The following SNAPC1 variants were observed in gnomAD, a reference collection of about 807,000 sequenced individuals.
SNAPC1 encodes the protein snRNA-activating protein complex subunit 1.
SNAPC1 carries 42 observed loss-of-function variants against 50.1 expected under a neutral mutation model. The ratio of observed to expected loss-of-function variants is 0.84; its 90% CI spans 0.65 to 1.08. SNAPC1 has a LOEUF of 1.08. Among genes scored for constraint, SNAPC1 ranks in the 50% least tolerant of loss-of-function variants. The pLI is 0.00. For synonymous variants in SNAPC1, 164 were observed against 144.2 expected (o/e 1.14, Z -0.98); for missense variants, 477 against 427.3 (o/e 1.12, Z -1.02).
intron 5 of SNAPC1, 54 bp from the exon 6 acceptor site, chr14:61,778,018 G>C: frequency 2.5e-6 from 2 of 808,534 alleles, no homozygotes; most frequent in Non-Finnish European, 3.8e-6. Context: ...GCAGTTAATT[G>C]AATTGTAAAT....
chr14:61,778,994 GTACT>G, intron 7 of SNAPC1, 84 bp downstream of exon 7: 4 of 767,406 alleles, frequency 5.2e-6, no homozygotes, highest in Non-Finnish European at 8.6e-6. Flanking sequence ...AGTAATACAT[GTACT>G]TAGTTTTAAA....
Position 61,774,957 on chromosome 14 carries a change from CT to C in SNAPC1, c.535-1137del, listed in dbSNP as rs574049664. 3.9e-4 allele frequency among the ~76,000 whole-genome samples: 59 copies of C among 152,224 alleles called. No individual in the cohort carries two copies. The South Asian group carries it at 8.7e-3, about 23-fold the overall frequency. On this transcript the variant is annotated intron_variant, in intron 4 of 9. Transcript: ENST00000216294. ...GGATTACAGGAGTCAGCCACTGTGC[CT>C]GGCCTAGTTTCTCATTTCTTGAACA...
At chr14:61,776,405 A>G (rs1035824352) in intron 5 of SNAPC1, 152 bp downstream of exon 5, 1 of 651,648 alleles carries the variant, frequency 1.5e-6, no homozygotes, top group Non-Finnish European at 2.6e-6. Flanking sequence ...CACTTTTGCC[A>G]CTTATTAGGT....
Position 61,795,062 on chromosome 14 carries a change from G to A in SNAPC1, c.*79G>A. The A allele has an allele frequency of 2.3e-6, 2 of 884,924 alleles. No individual in the cohort carries two copies. Among genetic ancestry groups the A allele is most frequent in the South Asian group, 1.7e-5 (1 of 58,682 alleles). The allele number at this position is 884,924 out of a possible 1,614,324, so 54.8% of individuals were successfully genotyped here. ...TGATATTTTGTGTATTGAACAGGAA[G>A]ACTGCCAGTATTAAAAAAATCCTTC... On this transcript the variant is annotated 3_prime_UTR_variant, in exon 10 of 10. Transcript: ENST00000216294.
chr14:61,793,045 A>G (rs1017202646), intron 9 of SNAPC1, 143 bp downstream of exon 9: 2 of 510,548 alleles, frequency 3.9e-6, no homozygotes, highest in Non-Finnish European at 7.2e-6. Flanking sequence ...GAATTTCAGT[A>G]TTAGTCATAT....
At chr14:61,767,590 A>C (rs2044958123) in intron 3 of SNAPC1, among the ~76,000 whole-genome samples, 1 of 151,022 alleles carries the variant, frequency 6.6e-6, no homozygotes, top group Non-Finnish European at 1.5e-5. Flanking sequence ...CAGCCTTCTG[A>C]GTAGCTGGGA....
intron 4 of SNAPC1, among the ~76,000 whole-genome samples, chr14:61,771,051 A>G (rs545928852): frequency 2.6e-5 from 4 of 152,276 alleles, no homozygotes; most frequent in African/African-American, 9.6e-5. Flanking sequence ...TCATATGGAT[A>G]CATTTTTAGG....
intron 4 of SNAPC1, among the ~76,000 whole-genome samples, chr14:61,770,496 G>A (rs2044980659): frequency 6.6e-6 from 1 of 152,024 alleles, no homozygotes; most frequent in Non-Finnish European, 1.5e-5. Context: ...TGCCTGCATT[G>A]GCCTCCTAAA....
At position 61,770,993 on chromosome 14, in the gene SNAPC1, C is replaced by T. The variant is rs543459168; in HGVS notation, c.534+2253C>T. 1.1e-4 allele frequency among the ~76,000 whole-genome samples: 17 copies of T among 152,282 alleles called. No homozygotes were observed. The East Asian group carries it at 3.3e-3, about 29-fold the overall frequency. ...CTGAGCTCAGGCGATCCGCCCGCCT[C>T]AGCCTCCCAAAGTACTGCAATTACA... On this transcript the variant is annotated intron_variant, in intron 4 of 9. Coordinates refer to ENST00000216294, the MANE Select transcript of SNAPC1 (RefSeq NM_003082.4).
At chr14:61,794,883 T>C (rs753304817) in intron 9 of SNAPC1, 66 bp from the exon 10 acceptor site, 8 of 1,077,516 alleles carry the variant, frequency 7.4e-6, no homozygotes, top group South Asian at 1.3e-5. Context: ...TAAGTGTCAG[T>C]TGTTTTTTTT....
chr14:61,777,683 G>A (rs1403778771), intron 5 of SNAPC1, among the ~76,000 whole-genome samples: 5 of 151,214 alleles, frequency 3.3e-5, no homozygotes, highest in Admixed American at 6.6e-5. Flanking sequence ...GGCCTCAAGC[G>A]ATCCTCCCAC....
intron 4 of SNAPC1, among the ~76,000 whole-genome samples, chr14:61,775,281 CT>C (rs1319424139): frequency 6.6e-6 from 1 of 150,564 alleles, no homozygotes; most frequent in Non-Finnish European, 1.5e-5. Flanking sequence ...GAGATGGAGT[CT>C]TGCTCTGTTA....
At chr14:61,784,579 A>G (rs890526948) in intron 8 of SNAPC1, among the ~76,000 whole-genome samples, 1 of 152,232 alleles carries the variant, frequency 6.6e-6, no homozygotes, top group African/African-American at 2.4e-5. Context: ...CAGCTCTACC[A>G]TCGTAATGTG....
chr14:61,779,871 G>A (rs1211077220), intron 7 of SNAPC1, among the ~76,000 whole-genome samples: 1 of 151,936 alleles, frequency 6.6e-6, no homozygotes, highest in Admixed American at 6.6e-5. Context: ...ACCACGCATG[G>A]CTAATTTTGT....
At chr14:61,779,559 G>A (rs1286844138) in intron 7 of SNAPC1, among the ~76,000 whole-genome samples, 1 of 150,828 alleles carries the variant, frequency 6.6e-6, no homozygotes, top group Non-Finnish European at 1.5e-5. Context: ...CTGAATGTTT[G>A]TTTTATTTTT....
rs112529845 is a variant in SNAPC1, at chr14:61,770,888, C to T, written c.534+2148C>T. On this transcript the variant is annotated intron_variant, in intron 4 of 9. Coordinates refer to ENST00000216294, the MANE Select transcript of SNAPC1 (RefSeq NM_003082.4). ...TCTCGAGTAGCTGGGACTACAGGTACGCACCACCACACTCGGCTAATTTTT... is the reference window on the plus strand; with the variant it reads ...TCTCGAGTAGCTGGGACTACAGGTATGCACCACCACACTCGGCTAATTTTT... Among the ~76,000 whole-genome samples, 1,196 of 152,084 alleles carry T rather than the reference C, an allele frequency of 7.9e-3. 5 individuals carry two copies. The highest frequency in any genetic ancestry group is 0.027 in the Middle Eastern group (8 of 294).
In SNAPC1 at chr14:61,795,739, T is replaced by C. The variant is rs1410583928; in HGVS notation, c.*756T>C. On this transcript the variant is annotated 3_prime_UTR_variant, in exon 10 of 10. Transcript: ENST00000216294. The stretch of plus-strand genomic sequence containing the variant: ...AGAAAAAAAAAAATCTGTAGCTTCA[T>C]GAATATGCCACTCTGTTAATTTCTT... 2.0e-5 allele frequency: 3 copies of C among 152,058 alleles called. No homozygotes were observed. The highest frequency in any genetic ancestry group is 7.2e-5 in the African/African-American group (3 of 41,430). The allele number at this position is 152,058 out of a possible 1,614,324, so 9.4% of individuals were successfully genotyped here.
intron 7 of SNAPC1, among the ~76,000 whole-genome samples, chr14:61,779,156 A>G (rs989434225): frequency 3.3e-5 from 5 of 152,046 alleles, no homozygotes; most frequent in Non-Finnish European, 7.4e-5. Flanking sequence ...TTTTGATGCC[A>G]TTTCCTTTAT....
At chr14:61,785,160 T>G (rs1338524939) in intron 8 of SNAPC1, among the ~76,000 whole-genome samples, 1 of 152,094 alleles carries the variant, frequency 6.6e-6, no homozygotes, top group Non-Finnish European at 1.5e-5. Context: ...CACAGCACTT[T>G]GGGAGGCTGA....
Sources: gnomAD v4.1 joint callset for allele counts (sites outside exome capture counted in the v4.1 genomes callset) on GRCh38, gnomAD v4.1.1 for gene constraint, MANE v1.5 for transcripts, NCBI Gene and HGNC (gene_info 2026-07-23, HGNC 2026-07-21) for gene names.